The following FOXK2 variants were observed in gnomAD, a reference collection of about 807,000 sequenced individuals.
FOXK2 encodes the protein forkhead box K2.
Under a neutral mutation model 53.3 loss-of-function variants are expected in FOXK2, and 24 were observed. That is an observed-to-expected ratio of 0.45 (90% CI 0.33 to 0.63). The LOEUF (loss-of-function observed/expected upper bound fraction) is 0.63. FOXK2 is among the 30% of genes least tolerant of loss of function. FOXK2 has a pLI of 0.03. For synonymous variants in FOXK2, 505 were observed against 407.1 expected (o/e 1.24, Z -2.89); for missense variants, 952 against 910.5 (o/e 1.05, Z -0.59).
chr17:82,565,699 G>A (rs991130830), intron 2 of FOXK2, among the ~76,000 whole-genome samples: 3 of 152,210 alleles, frequency 2.0e-5, no homozygotes, highest in Non-Finnish European at 4.4e-5. Context: ...ACTGTTGTGT[G>A]CTGTTGCAAG....
Position 82,564,672 on chromosome 17 carries a change from A to AT in FOXK2, c.614+1134dup, listed in dbSNP as rs11355699. Among the ~76,000 whole-genome samples, 326 of 143,996 alleles carry AT rather than the reference A, an allele frequency of 2.3e-3. 1 individual carries two copies. Among genetic ancestry groups the AT allele is most frequent in the African/African-American group, 7.6e-3 (300 of 39,236 alleles). The allele number at this position is 143,996 out of a possible 152,430, so 94.5% of individuals were successfully genotyped here. A position where few individuals can be genotyped will look rare whatever the true frequency, so the allele number is the denominator to read the frequency against. ...TGAGCCAATTAAACATTTTTTCTTTATTTTTTTTTTAAAGAAGAGTAGAGA... is the reference window on the plus strand; with the variant it reads ...TGAGCCAATTAAACATTTTTTCTTTATTTTTTTTTTTAAAGAAGAGTAGAGA... On this transcript the variant is annotated intron_variant, in intron 2 of 8. Coordinates refer to ENST00000335255, the MANE Select transcript of FOXK2 (RefSeq NM_004514.4).
At chr17:82,530,033 C>T (rs1048887804) in intron 1 of FOXK2, among the ~76,000 whole-genome samples, 2 of 152,112 alleles carry the variant, frequency 1.3e-5, no homozygotes, top group East Asian at 3.8e-4. Context: ...TTTTTGTGTT[C>T]CTGGTTCCAC....
intron 1 of FOXK2, among the ~76,000 whole-genome samples, chr17:82,547,546 T>G (rs1049561551): frequency 1.3e-5 from 2 of 152,228 alleles, no homozygotes; most frequent in Non-Finnish European, 2.9e-5. Flanking sequence ...GTTGCTATTT[T>G]TCTGTTTTAC....
chr17:82,566,883 C>T (rs773746153), intron 2 of FOXK2, among the ~76,000 whole-genome samples: 10 of 152,220 alleles, frequency 6.6e-5, no homozygotes, highest in Non-Finnish European at 1.5e-4. Context: ...AGGTCACTCG[C>T]CTTCCTCGGG....
At chr17:82,557,326 C>A (rs28753220) in intron 1 of FOXK2, among the ~76,000 whole-genome samples, 7 of 151,326 alleles carry the variant, frequency 4.6e-5, no homozygotes, top group Non-Finnish European at 8.8e-5. Flanking sequence ...GCCACCGTGC[C>A]TGGCCTATTT....
rs1348340352 is a variant in FOXK2 at position 82,587,152 on chromosome 17, A to G, written c.1666A>G (p.Thr556Ala). Reference sequence around the variant, plus strand: ...GACGGCACAGACCACCCCGGTCCAGACGGTGACCATAGTACAACAGGCACC... The same window carrying G: ...GACGGCACAGACCACCCCGGTCCAGGCGGTGACCATAGTACAACAGGCACC... The part of the protein sequence containing the change: ...IQTAQTTPVQ[T>A]VTIVQQAPLG... The change falls in exon 8 of 9, where the codon ACG becomes GCG. Residue 556 changes from threonine to alanine, a missense_variant. Around this residue, in one of 5 missense-constraint regions of FOXK2, gnomAD observed 551 missense variants for 385.1 expected, o/e 1.43. Coordinates refer to ENST00000335255, the MANE Select transcript of FOXK2 (RefSeq NM_004514.4). The G allele has an allele frequency of 6.2e-7, 1 of 1,613,124 alleles. No individual in the cohort carries two copies. The highest frequency in any genetic ancestry group is 2.2e-5 in the East Asian group (1 of 44,890).
intron 1 of FOXK2, among the ~76,000 whole-genome samples, chr17:82,521,774 CAAAAAA>C (rs768862024): frequency 2.6e-5 from 3 of 116,524 alleles, no homozygotes; most frequent in African/African-American, 9.6e-5. Context: ...ACTAAAAATA[CAAAAAA>C]AAAAAAAAAA....
In FOXK2 at chr17:82,586,266, A is replaced by T. The variant is rs72490491; in HGVS notation, c.1576+66A>T. 1,343 of 375,730 alleles carry T rather than the reference A, an allele frequency of 3.6e-3. 98 individuals carry two copies. The highest frequency in any genetic ancestry group is 0.022 in the African/African-American group (372 of 16,744). The allele number at this position is 375,730 out of a possible 1,614,324, so 23.3% of individuals were successfully genotyped here. On this transcript the variant is annotated intron_variant, in intron 7 of 8. Transcript: ENST00000335255. ...GGTGAAAGGTGGGCCGGGGGGGGAA[A>T]GGAGGAGAGGGGAGACCACAGGGAG...
intron 8 of FOXK2, among the ~76,000 whole-genome samples, chr17:82,598,042 G>A: frequency 6.6e-6 from 1 of 152,218 alleles, no homozygotes; most frequent in South Asian, 2.1e-4. Flanking sequence ...GTGATGTTGA[G>A]AAGCATGTGA....
chr17:82,523,254 CCCGTA>C (rs1466255880), intron 1 of FOXK2, among the ~76,000 whole-genome samples: 1 of 152,150 alleles, frequency 6.6e-6, no homozygotes, highest in Non-Finnish European at 1.5e-5. Flanking sequence ...GGACTCTCTA[CCCGTA>C]CTGAGTACAC....
rs1024038115 is a variant in FOXK2 at position 82,603,741 on chromosome 17, G to A, written c.*2242G>A. ...GGTGTTTTTTTTTTTTTTTTTTGCC[G>A]TAGGCACCATTCTGCATCTTGAACC... On this transcript the variant is annotated 3_prime_UTR_variant, in exon 9 of 9. Transcript: ENST00000335255. The A allele has an allele frequency of 6.4e-5, 9 of 140,334 alleles. No homozygotes were observed. Among genetic ancestry groups the A allele is most frequent in the African/African-American group, 1.9e-4 (7 of 36,308 alleles). 8.7% of individuals were successfully genotyped at this position (140,334 alleles called of 1,614,324 possible).
rs1192961758 is a variant in FOXK2 at position 82,584,056 on chromosome 17, C to A, written c.1147C>A (p.His383Asn). The A allele has an allele frequency of 6.2e-7, 1 of 1,611,246 alleles. No homozygotes were observed. The highest frequency in any genetic ancestry group is 1.1e-5 in the South Asian group (1 of 90,838). Residue 383 changes from histidine (H) to asparagine (N), a missense_variant, in exon 6 of 9, where the codon CAC becomes AAC. This residue lies in a region of FOXK2 where 551 missense variants were observed against 385.1 expected (regional missense o/e 1.43). Coordinates refer to ENST00000335255, the MANE Select transcript of FOXK2 (RefSeq NM_004514.4). ...CAATCACGCGGGAGTGCTGTCTGCT[C>A]ACTCTAGTGGCGCCCAGACCCCTGA... ...SPNHAGVLSAHSSGAQTPESL... is the reference protein window; with the variant it reads ...SPNHAGVLSANSSGAQTPESL...
At chr17:82,596,742 CCAGAGTGTGTGG>C (rs2045317455) in intron 8 of FOXK2, among the ~76,000 whole-genome samples, 1 of 152,174 alleles carries the variant, frequency 6.6e-6, no homozygotes, top group African/African-American at 2.4e-5. Context: ...GGTGTTGAAT[CCAGAGTGTGTGG>C]CAGAGCTGGC....
rs558671411 is a variant in FOXK2 at position 82,523,707 on chromosome 17, C to T, written c.419+3400C>T. Among the ~76,000 whole-genome samples, 193 of 151,610 alleles carry T rather than the reference C, an allele frequency of 1.3e-3. 1 individual carries two copies. The highest frequency in any genetic ancestry group is 2.3e-3 in the Admixed American group (35 of 15,212). ...GGTCAGGCTGGTCTTGAACTCCTGA[C>T]CTCAGGTGATCTGCTCACCTCCGCC... On this transcript the variant is annotated intron_variant, in intron 1 of 8. Transcript: ENST00000335255.
chr17:82,534,088 A>AAAAAG (rs1461191129), intron 1 of FOXK2, among the ~76,000 whole-genome samples: 1 of 151,688 alleles, frequency 6.6e-6, no homozygotes, highest in African/African-American at 2.4e-5. Context: ...AAAAAAAAAA[A>AAAAAG]AGAGAAAAAT....
intron 8 of FOXK2, among the ~76,000 whole-genome samples, chr17:82,598,482 G>GT (rs1191444330): frequency 2.0e-5 from 3 of 152,190 alleles, no homozygotes; most frequent in Non-Finnish European, 2.9e-5. Context: ...TTGTGCTGCC[G>GT]TAACAGAACA....
In FOXK2 at chr17:82,585,595, C is replaced by T. The variant is rs186190277; in HGVS notation, c.1280-309C>T. On this transcript the variant is annotated intron_variant, in intron 6 of 8. Transcript: ENST00000335255. ...GATTACAGGCGTGAGCCACTGCGCCCGGCCCAGTTTCCTCTTTTATTGAGT... is the reference window on the plus strand; with the variant it reads ...GATTACAGGCGTGAGCCACTGCGCCTGGCCCAGTTTCCTCTTTTATTGAGT... Among the ~76,000 whole-genome samples, 625 of 152,290 alleles carry T rather than the reference C, an allele frequency of 4.1e-3. 2 individuals are homozygous for T. The highest frequency in any genetic ancestry group is 5.3e-3 in the Non-Finnish European group (362 of 68,014).
At chr17:82,598,533 C>T (rs945067665) in intron 8 of FOXK2, among the ~76,000 whole-genome samples, 9 of 152,214 alleles carry the variant, frequency 5.9e-5, no homozygotes, top group Admixed American at 5.2e-4. Context: ...AACGGATTGG[C>T]TTGCAGTTCT....
intron 8 of FOXK2, among the ~76,000 whole-genome samples, chr17:82,596,439 G>C (rs796526389): frequency 3.3e-5 from 5 of 151,704 alleles, no homozygotes; most frequent in African/African-American, 1.2e-4. Flanking sequence ...GGTGTAGGGG[G>C]AGCCTCAGAG....
Sources: gnomAD v4.1 joint callset for allele counts (sites outside exome capture counted in the v4.1 genomes callset) on GRCh38, gnomAD v4.1.1 for gene constraint, gnomAD v4.1.1 regional missense constraint, MANE v1.5 for transcripts, NCBI Gene and HGNC (gene_info 2026-07-23, HGNC 2026-07-21) for gene names.